Variants in FLNB observed in about 807,000 individuals in gnomAD.
FLNB encodes filamin B.
A neutral mutation model predicts 250.6 loss-of-function variants in FLNB; 111 were observed. The ratio of observed to expected loss-of-function variants is 0.44; its 90% CI spans 0.38 to 0.52. FLNB has a LOEUF of 0.52. FLNB is among the 20% of genes least tolerant of loss of function. FLNB has a pLI of 0.00. For synonymous variants in FLNB, 1,302 were observed against 1,372.1 expected, an observed-to-expected ratio of 0.95 and a Z score of 1.13; for missense variants, 2,869 against 3,447.8, an observed-to-expected ratio of 0.83 and a Z score of 4.20.
intron 1 of FLNB, among the ~76,000 whole-genome samples, chr3:58,040,729 A>G (rs1276455723): frequency 1.5e-4 from 23 of 152,160 alleles, no homozygotes; most frequent in Admixed American, 1.5e-3. Context: ...TCCTGACCTC[A>G]GGTGATCCAC....
chr3:58,095,099 G>T lies in FLNB; in HGVS notation c.906+145G>T, dbSNP rs545783631. On this transcript the variant is annotated intron_variant, in intron 5 of 45. Transcript: ENST00000295956. ...CAAAAGGATACTGAGGCTTATAGCTGTTAAAGTAACCTGCCCAAGAGGTGA... is the reference window on the plus strand; with the variant it reads ...CAAAAGGATACTGAGGCTTATAGCTTTTAAAGTAACCTGCCCAAGAGGTGA... 6.4e-5 allele frequency: 46 copies of T among 723,910 alleles called. No individual in the cohort carries two copies. In the African/African-American group the frequency reaches 7.3e-4, roughly 11 times the overall value. 44.8% of individuals were successfully genotyped at this position (723,910 alleles called of 1,614,324 possible).
intron 36 of FLNB, 138 bp downstream of exon 36, chr3:58,148,990 G>A (rs2097340490): frequency 3.8e-6 from 3 of 798,186 alleles, no homozygotes; most frequent in South Asian, 1.4e-5. Context: ...TGCCTGCATT[G>A]TCTTTTATGC....
In FLNB at chr3:58,095,258, G is replaced by T. The variant is rs199934596; in HGVS notation, c.906+304G>T. On this transcript the variant is annotated intron_variant, in intron 5 of 45. Coordinates refer to ENST00000295956, the MANE Select transcript of FLNB (RefSeq NM_001457.4). Reference sequence around the variant, plus strand: ...TTATTTATTTATTTATTTATTTATTGAGACAGAGTTTCACTCCTGTTGCCC... The same window carrying T: ...TTATTTATTTATTTATTTATTTATTTAGACAGAGTTTCACTCCTGTTGCCC... 1.3e-4 allele frequency among the ~76,000 whole-genome samples: 9 copies of T among 67,056 alleles called. No individual in the cohort carries two copies. In the South Asian group the frequency reaches 2.3e-3, roughly 17 times the overall value. 44.0% of individuals were successfully genotyped at this position (67,056 alleles called of 152,430 possible).
At chr3:58,141,744 G>C (rs2097327473) in intron 29 of FLNB, 114 bp from the exon 30 acceptor site, 1 of 988,008 alleles carries the variant, frequency 1.0e-6, no homozygotes, top group Non-Finnish European at 1.6e-6. Flanking sequence ...GCTAGAGTGA[G>C]TGGCTCACTG....
chr3:58,105,370 A>G (rs1468426127), intron 11 of FLNB, among the ~76,000 whole-genome samples, 154 bp downstream of exon 11: 1 of 152,178 alleles, frequency 6.6e-6, no homozygotes, highest in African/African-American at 2.4e-5. Flanking sequence ...GTGCTGCTGT[A>G]CATTTGCAGT....
chr3:58,167,750 C>A (rs1325312882), intron 43 of FLNB, among the ~76,000 whole-genome samples: 1 of 152,254 alleles, frequency 6.6e-6, no homozygotes, highest in Non-Finnish European at 1.5e-5. Context: ...CTGGCCCCCT[C>A]CCTGAGCCGC....
chr3:58,170,581 A>G lies in FLNB; in HGVS notation c.7628A>G (p.Asn2543Ser), dbSNP rs2097380905. The change falls in exon 46 of 46, where the codon AAC becomes AGC. Residue 2543 changes from asparagine (N) to serine (S), a missense_variant. By Grantham distance (46) the Asn-to-Ser change is conservative (BLOSUM62 1). Around this residue, in one of 5 missense-constraint regions of FLNB, gnomAD observed 1,084 missense variants for 1,315.5 expected, o/e 0.82. Transcript: ENST00000295956. ...ACCACCTTTTGCCTCCTAGGCTCCA[A>G]CATGCTGCTGATCGGGGTCCATGGG... ...FLVDCSKAGS[N>S]MLLIGVHGPT... 2 of 1,614,012 alleles carry G rather than the reference A, an allele frequency of 1.2e-6. No individual in the cohort carries two copies. Among genetic ancestry groups the G allele is most frequent in the East Asian group, 4.5e-5 (2 of 44,872 alleles).
At chr3:58,022,802 C>A (rs2097115901) in intron 1 of FLNB, among the ~76,000 whole-genome samples, 1 of 151,926 alleles carries the variant, frequency 6.6e-6, no homozygotes, top group South Asian at 2.1e-4. Context: ...ATCAGCTCAG[C>A]AAGTCTTTGA....
chr3:58,082,770 G>A (rs919991473), intron 4 of FLNB, among the ~76,000 whole-genome samples: 39 of 114,638 alleles, frequency 3.4e-4, no homozygotes, highest in Non-Finnish European at 6.3e-4. Context: ...GTGAGCCTCC[G>A]TCTCAAAAAA....
At position 58,136,099 on chromosome 3, in the gene FLNB, G is replaced by A. The variant is rs775231905; in HGVS notation, c.4792G>A (p.Asp1598Asn). 25 of 1,614,076 alleles carry A rather than the reference G, an allele frequency of 1.5e-5. No homozygotes were observed. The highest frequency in any genetic ancestry group is 4.0e-5 in the African/African-American group (3 of 74,934). Reference protein sequence around the residue: ...YMIGVTYGGDDIPLSPYRIRA... With the variant: ...YMIGVTYGGDNIPLSPYRIRA... ...GATTGGAGTCACCTACGGGGGTGAC[G>A]ACATCCCACTTTCTCCTTATCGCAT... The change falls in exon 28 of 46, where the codon GAC becomes AAC. Residue 1598 changes from aspartate to asparagine, a missense_variant. By Grantham distance (23) the Asp-to-Asn change is conservative (BLOSUM62 1). Coordinates refer to ENST00000295956, the MANE Select transcript of FLNB (RefSeq NM_001457.4).
intron 27 of FLNB, 146 bp from the exon 28 acceptor site, chr3:58,135,833 A>G: frequency 3.4e-6 from 3 of 882,588 alleles, no homozygotes; most frequent in Non-Finnish European, 5.3e-6. Context: ...CTCCCTACCA[A>G]AAAACAAAAC....
chr3:58,036,169 C>T (rs1394517679), intron 1 of FLNB, among the ~76,000 whole-genome samples: 1 of 152,158 alleles, frequency 6.6e-6, no homozygotes, highest in Admixed American at 6.5e-5. Flanking sequence ...TCTGACTGTG[C>T]TCTTCGTCAG....
intron 43 of FLNB, chr3:58,166,012 G>A (rs2097369783): frequency 1.3e-5 from 2 of 152,064 alleles, no homozygotes; most frequent in Non-Finnish European, 2.9e-5. Flanking sequence ...AAGTGCTTTA[G>A]CTCCAAGTTG....
At chr3:58,108,754 T>C (rs2097263731) in intron 13 of FLNB, among the ~76,000 whole-genome samples, 183 bp downstream of exon 13, 2 of 152,194 alleles carry the variant, frequency 1.3e-5, no homozygotes, top group Non-Finnish European at 2.9e-5. Context: ...TACTGGGCTT[T>C]AAAAAAATCA....
In FLNB at chr3:58,123,279, G is replaced by A. The variant is rs1333370123; in HGVS notation, c.3313G>A (p.Gly1105Arg). Residue 1105 changes from glycine to arginine, a missense_variant, in exon 21 of 46, where the codon GGG (glycine) becomes AGG (arginine). By Grantham distance (125) the Gly-to-Arg change is moderately radical (BLOSUM62 -2). Coordinates refer to ENST00000295956, the MANE Select transcript of FLNB (RefSeq NM_001457.4). ...CGTCTCTTACCTTCCCACAAAACCC[G>A]GGGAGTACTTCGTCAACATCCTCTT... ...CSVSYLPTKP[G>R]EYFVNILFEE... The A allele has an allele frequency of 3.1e-6, 5 of 1,614,024 alleles. No individual in the cohort carries two copies. The highest frequency in any genetic ancestry group is 3.3e-5 in the Admixed American group (2 of 59,998).
Position 58,132,850 on chromosome 3 carries a change from C to T in FLNB, c.4433C>T (p.Thr1478Ile), listed in dbSNP as rs1236204178. ...AACGTGGTGGACAATGGAGATGGCA[C>T]ACACACAGTAACCTACACCCCATCT... ...PVNVVDNGDGTHTVTYTPSQE... is the reference protein window; with the variant it reads ...PVNVVDNGDGIHTVTYTPSQE... Residue 1478 changes from threonine to isoleucine, a missense_variant, in exon 26 of 46, where the codon ACA becomes ATA. By Grantham distance (89) the Thr-to-Ile change is moderately conservative. This residue lies in a region of FLNB where 126 missense variants were observed against 182.0 expected (regional missense o/e 0.69). Transcript: ENST00000295956. 1 of 1,613,958 alleles carries T rather than the reference C, an allele frequency of 6.2e-7. No individual in the cohort carries two copies. Among genetic ancestry groups the T allele is most frequent in the African/African-American group, 1.3e-5 (1 of 74,896 alleles).
chr3:58,055,342 G>A (rs1359197718), intron 1 of FLNB, among the ~76,000 whole-genome samples: 1 of 152,164 alleles, frequency 6.6e-6, no homozygotes, highest in East Asian at 1.9e-4. Flanking sequence ...GGGTACGGTA[G>A]AAGGTGTTCA....
chr3:58,121,356 G>T lies in FLNB; in HGVS notation c.2979G>T (p.Val993=). 6.2e-7 allele frequency: 1 copy of T among 1,614,210 alleles called. No individual in the cohort carries two copies. ...CTCGGAAGGTCGTGCCATGCCTAGT[G>T]ACACCTGTGACAGGCCGGGAGAACA... is the stretch of plus-strand genomic sequence containing the variant. ...SPSRKVVPCL[V]TPVTGRENST... is the part of the protein sequence containing the mutation. The change falls in exon 20 of 46, where the codon GTG becomes GTT. Residue 993 remains valine (V), a synonymous_variant. Coordinates refer to ENST00000295956, the MANE Select transcript of FLNB (RefSeq NM_001457.4).
rs2097120683 is a variant in FLNB at position 58,024,730 on chromosome 3, A to ATTTTTTTTTTTT, written c.292+15874_292+15875insTTTTTTTTTTTT. 1.6e-4 allele frequency among the ~76,000 whole-genome samples: 4 copies of ATTTTTTTTTTTT among 24,666 alleles called. 1 individual carries two copies. The highest frequency in any genetic ancestry group is 2.5e-4 in the Non-Finnish European group (4 of 16,184). The allele number at this position is 24,666 out of a possible 152,430, so 16.2% of individuals were successfully genotyped here. A position where few individuals can be genotyped will look rare whatever the true frequency, so the allele number is the denominator to read the frequency against. ...TTTTTTTTTTTTTTTTTTTTTTTTAACCTTGAGACAGTCTTGCTTTGTTGC... is the reference window on the plus strand; with the variant it reads ...TTTTTTTTTTTTTTTTTTTTTTTTAATTTTTTTTTTTTCCTTGAGACAGTCTTGCTTTGTTGC... On this transcript the variant is annotated intron_variant, in intron 1 of 45. Coordinates refer to ENST00000295956, the MANE Select transcript of FLNB (RefSeq NM_001457.4).
Sources: allele counts gnomAD v4.1 joint callset (sites outside exome capture counted in the v4.1 genomes callset), GRCh38; gene constraint gnomAD v4.1.1; regional missense constraint gnomAD v4.1.1; transcripts MANE v1.5; gene names NCBI Gene and HGNC (gene_info 2026-07-23, HGNC 2026-07-21).